ARMC9: variants seen among roughly 807,000 people sequenced by gnomAD.
ARMC9 encodes armadillo repeat containing 9.
ARMC9 carries 94 observed loss-of-function variants against 107.0 expected under a neutral mutation model. That is an observed-to-expected ratio of 0.88 (90% CI 0.74 to 1.04). The LOEUF (loss-of-function observed/expected upper bound fraction) is 1.04, where lower values mean the gene tolerates loss of function less well. Among genes scored for constraint, ARMC9 ranks in the 50% least tolerant of loss-of-function variants. ARMC9 has a pLI of 0.00. For synonymous variants in ARMC9, 380 were observed against 396.9 expected (o/e 0.96, Z 0.51); for missense variants, 942 against 1,030.1 (o/e 0.91, Z 1.17).
intron 23 of ARMC9, among the ~76,000 whole-genome samples, chr2:231,368,801 T>G (rs2045909932): frequency 6.6e-6 from 1 of 152,092 alleles, no homozygotes; most frequent in Non-Finnish European, 1.5e-5. Context: ...TTTTTTGTAT[T>G]TTTAGTAGAG....
At chr2:231,302,437 G>GTTTTTTTTTTTTTTTTTTT (rs56032700) in intron 19 of ARMC9, among the ~76,000 whole-genome samples, 3 of 58,098 alleles carry the variant, frequency 5.2e-5, no homozygotes, top group Admixed American at 2.6e-4. Context: ...TTGTGGGTTT[G>GTTTTTTTTTTTTTTTTTTT]TTTTTTTTTT....
chr2:231,249,873 CCG>C (rs2037132465), intron 9 of ARMC9, among the ~76,000 whole-genome samples: 1 of 79,918 alleles, frequency 1.3e-5, no homozygotes, highest in African/African-American at 6.5e-5. Flanking sequence ...AGGGAGACCA[CCG>C]CCCACCCGTG....
At chr2:231,241,534 C>T (rs1382702412) in intron 9 of ARMC9, among the ~76,000 whole-genome samples, 1 of 152,050 alleles carries the variant, frequency 6.6e-6, no homozygotes, top group Non-Finnish European at 1.5e-5. Flanking sequence ...CTGAGACAGC[C>T]CTGTGGGTCA....
chr2:231,235,200 T>G (rs1574714035), intron 7 of ARMC9, 24 bp from the exon 8 acceptor site: 1 of 1,597,564 alleles, frequency 6.3e-7, no homozygotes, highest in East Asian at 2.2e-5. Flanking sequence ...TTATTGATGT[T>G]GTTTGTTTTA....
intron 1 of ARMC9, among the ~76,000 whole-genome samples, chr2:231,205,357 G>C (rs1233715779): frequency 6.6e-6 from 1 of 152,054 alleles, no homozygotes; most frequent in East Asian, 1.9e-4. Flanking sequence ...GCAACGGAGT[G>C]AGATCCCATC....
At position 231,258,184 on chromosome 2, in the gene ARMC9, T is replaced by C. The variant is rs147894027; in HGVS notation, c.915-807T>C. 4.1e-3 allele frequency among the ~76,000 whole-genome samples: 619 copies of C among 152,164 alleles called. 1 individual carries two copies. Among genetic ancestry groups the C allele is most frequent in the Non-Finnish European group, 6.7e-3 (457 of 67,974 alleles). ...GCCACCCACCTAATTACTCTTTTTT[T>C]CTTTTTTTTCTTTTCTTTGAGACGG... On this transcript the variant is annotated intron_variant, in intron 10 of 24. Transcript: ENST00000611582.
Position 231,235,224 on chromosome 2 carries a change from A to G in ARMC9, c.623A>G (p.Glu208Gly), listed in dbSNP as rs543474990. The G allele has an allele frequency of 5.0e-6, 8 of 1,609,622 alleles. No homozygotes were observed. The highest frequency in any genetic ancestry group is 6.8e-6 in the Non-Finnish European group (8 of 1,178,604). ...IYKENGQSNK[E>G]ILQQLHQQLV... is the part of the protein sequence containing the mutation. ...TTGTTTGTTTTAACTGTCTTCCTAG[A>G]AATCTTGCAGCAGCTCCACCAGCAG... The change falls in exon 8 of 25, where the codon GAA becomes GGA. Residue 208 changes from glutamate (E) to glycine (G), a missense_variant and splice_region_variant. By Grantham distance (98) the Glu-to-Gly change is moderately conservative. Coordinates refer to ENST00000611582, the MANE Select transcript of ARMC9 (RefSeq NM_001352754.2).
intron 5 of ARMC9, among the ~76,000 whole-genome samples, chr2:231,222,041 C>A (rs999209885): frequency 6.6e-6 from 1 of 151,902 alleles, no homozygotes; most frequent in African/African-American, 2.4e-5. Context: ...TTAGTGGCTT[C>A]GCTGCATTTT....
At chr2:231,237,779 ATATTTTTTTTTTTTTTTTTT>A (rs1195042507) in intron 8 of ARMC9, among the ~76,000 whole-genome samples, 1 of 31,124 alleles carries the variant, frequency 3.2e-5, no homozygotes, top group East Asian at 9.2e-4. Flanking sequence ...ATATATATAT[ATATTTTTTTTTTTTTTTTTT>A]TTTTTTTTTT....
At chr2:231,232,798 G>A (rs1559325394) in intron 7 of ARMC9, among the ~76,000 whole-genome samples, 1 of 152,088 alleles carries the variant, frequency 6.6e-6, no homozygotes, top group East Asian at 1.9e-4. Flanking sequence ...GAGATTTGTG[G>A]ATGTTGAATA....
chr2:231,363,743 G>A (rs1160479710), intron 23 of ARMC9, among the ~76,000 whole-genome samples: 1 of 151,928 alleles, frequency 6.6e-6, no homozygotes, highest in Non-Finnish European at 1.5e-5. Flanking sequence ...AAATTAGCTG[G>A]GCGTGGTGGC....
At chr2:231,239,833 A>G in intron 8 of ARMC9, 110 bp from the exon 9 acceptor site, 1 of 853,162 alleles carries the variant, frequency 1.2e-6, no homozygotes, top group Admixed American at 2.0e-5. Context: ...CCTCATCATC[A>G]TGCCTTACAG....
intron 23 of ARMC9, among the ~76,000 whole-genome samples, chr2:231,363,118 G>A (rs922262044): frequency 1.3e-5 from 2 of 152,242 alleles, no homozygotes; most frequent in East Asian, 3.8e-4. Flanking sequence ...AAGGAGTGCA[G>A]GGAATGCAGG....
chr2:231,246,569 T>C (rs937309881), intron 9 of ARMC9, among the ~76,000 whole-genome samples: 4 of 152,254 alleles, frequency 2.6e-5, no homozygotes, highest in Non-Finnish European at 2.9e-5. Context: ...TATTCCATTG[T>C]ATATGTGTAC....
intron 23 of ARMC9, among the ~76,000 whole-genome samples, chr2:231,369,346 G>T (rs1313955059): frequency 6.6e-6 from 1 of 151,922 alleles, no homozygotes; most frequent in Non-Finnish European, 1.5e-5. Flanking sequence ...AGGCTGGAGT[G>T]CAGTGGCGTG....
chr2:231,228,026 C>G (rs1300780582), intron 7 of ARMC9, among the ~76,000 whole-genome samples: 1 of 152,164 alleles, frequency 6.6e-6, no homozygotes, highest in African/African-American at 2.4e-5. Flanking sequence ...ACCCCCAGTA[C>G]AGTATGTGGA....
intron 6 of ARMC9, 41 bp from the exon 7 acceptor site, chr2:231,226,733 T>G (rs2034678702): frequency 6.2e-7 from 1 of 1,606,746 alleles, no homozygotes; most frequent in African/African-American, 1.3e-5. Flanking sequence ...CAAGTACCGT[T>G]CCCTGAATGC....
chr2:231,281,332 C>T (rs140256238), intron 16 of ARMC9, among the ~76,000 whole-genome samples: 1 of 152,130 alleles, frequency 6.6e-6, no homozygotes, highest in East Asian at 1.9e-4. Flanking sequence ...AGGTGAACTG[C>T]CAGAACCTGG....
intron 15 of ARMC9, 118 bp from the exon 16 acceptor site, chr2:231,278,264 C>T: frequency 1.1e-6 from 1 of 942,422 alleles, no homozygotes; most frequent in Non-Finnish European, 1.7e-6. Context: ...ATACAGCTCA[C>T]CCGAGGTCAT....
Sources: gnomAD v4.1 joint callset for allele counts (sites outside exome capture counted in the v4.1 genomes callset) on GRCh38, gnomAD v4.1.1 for gene constraint, MANE v1.5 for transcripts, NCBI Gene and HGNC (gene_info 2026-07-23, HGNC 2026-07-21) for gene names.